COLGALT1: variants seen among roughly 807,000 people sequenced by gnomAD.
COLGALT1 encodes the protein collagen beta(1-O)galactosyltransferase 1.
A neutral mutation model predicts 60.8 loss-of-function variants in COLGALT1; 43 were observed. The observed-to-expected ratio is 0.71, with a 90% confidence interval of 0.55 to 0.91. COLGALT1 has a LOEUF of 0.91. Ranked by LOEUF, COLGALT1 falls within the 40% of genes least tolerant of loss-of-function variation. The pLI, the probability that COLGALT1 is intolerant of heterozygous loss-of-function variation, is 0.00. For synonymous variants in COLGALT1, 369 were observed against 374.2 expected (o/e 0.99, Z 0.16); for missense variants, 845 against 880.0 (o/e 0.96, Z 0.50).
intron 11 of COLGALT1, 74 bp downstream of exon 11, chr19:17,580,979 C>A: frequency 1.9e-6 from 3 of 1,548,822 alleles, no homozygotes; most frequent in Non-Finnish European, 2.6e-6. Flanking sequence ...ATGTGAGACT[C>A]ACGGCCTCCG....
At chr19:17,571,751 C>A (rs2076313916) in intron 5 of COLGALT1, 1 of 152,070 alleles carries the variant, frequency 6.6e-6, no homozygotes, top group Admixed American at 6.6e-5. Context: ...AAAATTTAAA[C>A]CATCCAGAAA....
In COLGALT1 at chr19:17,577,288, C is replaced by A; in HGVS notation, c.1026+17C>A. Reference sequence around the variant, plus strand: ...TTCGACGAGGTGAGCTGGGCCTTCCCTGGAGGCGGGGCGGGGGCTGGAGGG... The same window carrying A: ...TTCGACGAGGTGAGCTGGGCCTTCCATGGAGGCGGGGCGGGGGCTGGAGGG... On this transcript the variant is annotated intron_variant, in intron 7 of 11. Transcript: ENST00000252599. 6.2e-7 allele frequency: 1 copy of A among 1,612,752 alleles called. No homozygotes were observed. The highest frequency in any genetic ancestry group is 1.1e-5 in the South Asian group (1 of 90,982).
chr19:17,560,366 AG>A lies in COLGALT1; in HGVS notation c.392del (p.Gly131AlafsTer14). The A allele has an allele frequency of 1.2e-6, 2 of 1,614,046 alleles. No individual in the cohort carries two copies. The highest frequency in any genetic ancestry group is 1.7e-6 in the Non-Finnish European group (2 of 1,179,992). On this transcript the variant is annotated frameshift_variant, in exon 3 of 12. Transcript: ENST00000252599. LOFTEE classifies it high-confidence loss of function. ...EEPRSYPDEE[G>X]PKHWSDSRYE... is the part of the protein sequence containing the mutation. ...CCCATAGGTCCTACCCGGACGAGGAAGGCCCGAAACACTGGTCTGACTCACG... is the reference window on the plus strand; with the variant it reads ...CCCATAGGTCCTACCCGGACGAGGAAGCCCGAAACACTGGTCTGACTCACG...
chr19:17,579,748 C>A, intron 10 of COLGALT1, 139 bp downstream of exon 10: 2 of 1,174,688 alleles, frequency 1.7e-6, no homozygotes, highest in Non-Finnish European at 2.4e-6. Context: ...TGGGGTGGAA[C>A]TGGAGCCTAG....
chr19:17,569,827 T>C (rs1436351285), intron 5 of COLGALT1, among the ~76,000 whole-genome samples: 1 of 152,024 alleles, frequency 6.6e-6, no homozygotes, highest in Admixed American at 6.6e-5. Context: ...CATGTTGACT[T>C]GTTGTTTACT....
chr19:17,573,716 ATAAT>A (rs2076325490), intron 6 of COLGALT1, among the ~76,000 whole-genome samples: 4 of 151,850 alleles, frequency 2.6e-5, no homozygotes, highest in African/African-American at 7.3e-5. Flanking sequence ...ATAATAAAAA[ATAAT>A]TATCCCAGCT....
intron 10 of COLGALT1, 73 bp from the exon 11 acceptor site, chr19:17,580,626 A>G: frequency 6.7e-7 from 1 of 1,490,882 alleles, no homozygotes; most frequent in Non-Finnish European, 9.3e-7. Context: ...CGGGGTAACT[A>G]GATCCCTGGC....
At chr19:17,560,259 C>A in intron 2 of COLGALT1, 89 bp from the exon 3 acceptor site, 1 of 966,158 alleles carries the variant, frequency 1.0e-6, no homozygotes, top group Non-Finnish European at 1.6e-6. Context: ...CTCCAGGAAG[C>A]TCTCTCTGAG....
intron 4 of COLGALT1, among the ~76,000 whole-genome samples, chr19:17,567,789 A>AC (rs2076288397): frequency 6.6e-6 from 1 of 151,934 alleles, no homozygotes; most frequent in East Asian, 1.9e-4. Context: ...AAAAAAAAAA[A>AC]ATTACAGAAA....
intron 9 of COLGALT1, among the ~76,000 whole-genome samples, chr19:17,578,927 T>C (rs553987931): frequency 1.3e-5 from 2 of 152,188 alleles, no homozygotes; most frequent in East Asian, 3.9e-4. Flanking sequence ...GGAGAATCAC[T>C]TGAACCCAGG....
intron 6 of COLGALT1, among the ~76,000 whole-genome samples, chr19:17,573,655 G>A (rs1303458750): frequency 6.6e-6 from 1 of 151,870 alleles, no homozygotes; most frequent in African/African-American, 2.4e-5. Context: ...CCATAATCGT[G>A]CCACTGCACT....
chr19:17,567,319 C>T, intron 3 of COLGALT1, 87 bp from the exon 4 acceptor site: 1 of 1,565,652 alleles, frequency 6.4e-7, no homozygotes, highest in South Asian at 1.2e-5. Flanking sequence ...TTTGCCAGAC[C>T]CCCAGGGCAC....
chr19:17,568,375 G>A, intron 4 of COLGALT1, 134 bp from the exon 5 acceptor site: 1 of 745,704 alleles, frequency 1.3e-6, no homozygotes, highest in Non-Finnish European at 2.3e-6. Flanking sequence ...GCTTGAGTCT[G>A]GGGTCCTGGG....
intron 6 of COLGALT1, among the ~76,000 whole-genome samples, chr19:17,576,740 G>T (rs986852664): frequency 6.7e-6 from 1 of 150,290 alleles, no homozygotes; most frequent in African/African-American, 2.5e-5. Flanking sequence ...AGGCAAGGCT[G>T]GGGGAGGCTG....
intron 3 of COLGALT1, among the ~76,000 whole-genome samples, chr19:17,566,928 A>G (rs1193350637): frequency 1.3e-5 from 2 of 152,200 alleles, no homozygotes; most frequent in Non-Finnish European, 2.9e-5. Flanking sequence ...AGCCTGGCCA[A>G]CATGATGGTA....
intron 9 of COLGALT1, among the ~76,000 whole-genome samples, chr19:17,578,888 G>A (rs915914936): frequency 2.0e-5 from 3 of 152,154 alleles, no homozygotes; most frequent in Non-Finnish European, 4.4e-5. Context: ...GTGGGCACCT[G>A]TAATCCCTCT....
In COLGALT1 at chr19:17,567,370, G is replaced by C. The variant is rs1345909074; in HGVS notation, c.490-36G>C. On this transcript the variant is annotated intron_variant, in intron 3 of 11. Transcript: ENST00000252599. ...CTGTTCTGAATGGTAGCCTGACCTG[G>C]CAGCCCATGCTGATGCTTTGTGGGG... The C allele has an allele frequency of 1.9e-6, 3 of 1,610,296 alleles. No homozygotes were observed. The East Asian group carries it at 6.7e-5, about 36-fold the overall frequency.
chr19:17,568,747 A>G, intron 5 of COLGALT1, 34 bp downstream of exon 5: 1 of 1,607,690 alleles, frequency 6.2e-7, no homozygotes, highest in Non-Finnish European at 8.5e-7. Context: ...TCGCAGGGGC[A>G]TCTGCCTGGT....
intron 1 of COLGALT1, among the ~76,000 whole-genome samples, 197 bp from the exon 2 acceptor site, chr19:17,559,114 C>G (rs912601014): frequency 6.6e-6 from 1 of 151,408 alleles, no homozygotes; most frequent in East Asian, 2.0e-4. Context: ...GAGCCGAGAT[C>G]GCGCCACTGC....
Sources: allele counts gnomAD v4.1 joint callset (sites outside exome capture counted in the v4.1 genomes callset), GRCh38; gene constraint gnomAD v4.1.1; transcripts MANE v1.5; gene names NCBI Gene and HGNC (gene_info 2026-07-23, HGNC 2026-07-21).